DOK6: variants seen among roughly 807,000 people sequenced by gnomAD.
DOK6 encodes the protein docking protein 6.
A neutral mutation model predicts 44.0 loss-of-function variants in DOK6; 22 were observed. The observed-to-expected ratio is 0.50, with a 90% confidence interval of 0.36 to 0.71. The LOEUF (loss-of-function observed/expected upper bound fraction) is 0.71, where lower values mean the gene tolerates loss of function less well. DOK6 is among the 30% of genes least tolerant of loss of function. The probability of loss-of-function intolerance (pLI) is 0.00; values close to 1 mark genes in which losing one functional copy is unlikely to be tolerated. For missense variants in DOK6, 340 were observed against 416.4 expected, an observed-to-expected ratio of 0.82 and a Z score of 1.60; for synonymous variants, 166 against 145.5, an observed-to-expected ratio of 1.14 and a Z score of -1.01.
Position 69,506,941 on chromosome 18 carries a change from T to A in DOK6, c.67-57546T>A, listed in dbSNP as rs190911598. Among the ~76,000 whole-genome samples the A allele has an allele frequency of 3.0e-4, 46 of 152,170 alleles. 1 individual carries two copies. The highest frequency in any genetic ancestry group is 2.5e-3 in the Admixed American group (38 of 15,284). On this transcript the variant is annotated intron_variant, in intron 1 of 7. Transcript: ENST00000382713. ...CATATGTATATTTAAATATATATAT[T>A]TTTGGATTATATTGTATTTCATTGA...
rs116471284 is a variant in DOK6, at chr18:69,707,981, G to A, written c.599+9388G>A. The stretch of plus-strand genomic sequence containing the variant: ...GAGGGGTCAGGTTACTCTCCACGAC[G>A]CACAGCACAGGCAGAGCACGGATGG... On this transcript the variant is annotated intron_variant, in intron 5 of 7. Coordinates refer to ENST00000382713, the MANE Select transcript of DOK6 (RefSeq NM_152721.6). Among the ~76,000 whole-genome samples, 951 of 152,252 alleles carry A rather than the reference G, an allele frequency of 6.2e-3. 11 individuals carry two copies. Among genetic ancestry groups the A allele is most frequent in the African/African-American group, 0.022 (923 of 41,544 alleles).
intron 3 of DOK6, among the ~76,000 whole-genome samples, chr18:69,601,269 C>T (rs760876872): frequency 2.8e-4 from 43 of 152,312 alleles, no homozygotes; most frequent in Non-Finnish European, 4.9e-4. Flanking sequence ...GAAAGCAAAG[C>T]TCTGATTTAC....
At chr18:69,666,885 C>T (rs1985673085) in intron 3 of DOK6, among the ~76,000 whole-genome samples, 1 of 152,184 alleles carries the variant, frequency 6.6e-6, no homozygotes, top group Non-Finnish European at 1.5e-5. Flanking sequence ...GGGAGCTTTC[C>T]TCTGCAGCAA....
intron 1 of DOK6, among the ~76,000 whole-genome samples, chr18:69,540,287 C>G (rs1180347335): frequency 6.6e-6 from 1 of 152,142 alleles, no homozygotes; most frequent in Non-Finnish European, 1.5e-5. Context: ...TCTTTGCTTT[C>G]CTATTCTGAT....
chr18:69,792,859 A>C (rs1442759965), intron 7 of DOK6, among the ~76,000 whole-genome samples: 1 of 152,134 alleles, frequency 6.6e-6, no homozygotes, highest in Non-Finnish European at 1.5e-5. Context: ...GTCCTTCAGG[A>C]GATAATAAAA....
intron 7 of DOK6, among the ~76,000 whole-genome samples, chr18:69,784,596 C>G (rs956830084): frequency 6.6e-6 from 1 of 151,698 alleles, no homozygotes; most frequent in African/African-American, 2.4e-5. Context: ...AATGGCTATC[C>G]GTCATCACTT....
intron 7 of DOK6, among the ~76,000 whole-genome samples, chr18:69,782,313 G>A (rs940794876): frequency 3.3e-5 from 5 of 149,858 alleles, no homozygotes; most frequent in Middle Eastern, 3.4e-3. Flanking sequence ...CCAGGTTCAC[G>A]CCATTCTCCT....
intron 1 of DOK6, among the ~76,000 whole-genome samples, chr18:69,439,850 C>T (rs561023751): frequency 5.0e-4 from 76 of 152,302 alleles, no homozygotes; most frequent in African/African-American, 1.8e-3. Flanking sequence ...TGTAGTAGCA[C>T]TTTTCATTTC....
chr18:69,801,418 T>C (rs1204145557), intron 7 of DOK6, among the ~76,000 whole-genome samples: 1 of 152,230 alleles, frequency 6.6e-6, no homozygotes, highest in Non-Finnish European at 1.5e-5. Flanking sequence ...TTTTAAATGA[T>C]AATTTCAAGG....
intron 1 of DOK6, among the ~76,000 whole-genome samples, chr18:69,455,170 A>AG (rs1321407866): frequency 7.4e-6 from 1 of 135,948 alleles, no homozygotes; most frequent in East Asian, 2.3e-4. Context: ...AAAAAAAAAA[A>AG]AAAAGAAAAG....
chr18:69,765,047 C>T (rs559835519), intron 7 of DOK6, among the ~76,000 whole-genome samples: 1 of 152,124 alleles, frequency 6.6e-6, no homozygotes, highest in Non-Finnish European at 1.5e-5. Context: ...TTAGAGATAA[C>T]CTTCAGAAAA....
Position 69,842,716 on chromosome 18 carries a change from G to C in DOK6, c.*1333G>C, listed in dbSNP as rs939805908. Reference sequence around the variant, plus strand: ...GGAGGTAGTGAATTCCACGGAAACTGAGTTTGGCTAATTCAGGTCAACAAA... The same window carrying C: ...GGAGGTAGTGAATTCCACGGAAACTCAGTTTGGCTAATTCAGGTCAACAAA... On this transcript the variant is annotated 3_prime_UTR_variant, in exon 8 of 8. Coordinates refer to ENST00000382713, the MANE Select transcript of DOK6 (RefSeq NM_152721.6). 3 of 152,198 alleles carry C rather than the reference G, an allele frequency of 2.0e-5. No homozygotes were observed. Among genetic ancestry groups the C allele is most frequent in the African/African-American group, 7.2e-5 (3 of 41,448 alleles). 9.4% of individuals were successfully genotyped at this position (152,198 alleles called of 1,614,324 possible).
At chr18:69,489,986 T>C (rs1599155832) in intron 1 of DOK6, among the ~76,000 whole-genome samples, 1 of 152,240 alleles carries the variant, frequency 6.6e-6, no homozygotes, top group South Asian at 2.1e-4. Flanking sequence ...TTCTGCCGTA[T>C]TCACTGCAAC....
intron 6 of DOK6, among the ~76,000 whole-genome samples, chr18:69,741,109 G>T (rs1978785371): frequency 6.6e-6 from 1 of 152,130 alleles, no homozygotes; most frequent in South Asian, 2.1e-4. Context: ...ACAGGCGTGG[G>T]TGCCAATATC....
At chr18:69,811,524 T>TTATATA (rs57486782) in intron 7 of DOK6, among the ~76,000 whole-genome samples, 37 of 93,684 alleles carry the variant, frequency 3.9e-4, no homozygotes, top group Non-Finnish European at 4.7e-4. Flanking sequence ...AACCATTCCA[T>TTATATA]TATATATATA....
chr18:69,505,690 G>T (rs566722320), intron 1 of DOK6, among the ~76,000 whole-genome samples: 1 of 151,314 alleles, frequency 6.6e-6, no homozygotes, highest in Non-Finnish European at 1.5e-5. Flanking sequence ...TAGACATAGG[G>T]TTTCACCATG....
At chr18:69,464,700 C>T (rs559323178) in intron 1 of DOK6, among the ~76,000 whole-genome samples, 12 of 152,146 alleles carry the variant, frequency 7.9e-5, no homozygotes, top group Non-Finnish European at 1.6e-4. Context: ...CTGCAATTTG[C>T]GCTAATTGTG....
intron 1 of DOK6, among the ~76,000 whole-genome samples, chr18:69,509,437 A>G (rs1352863051): frequency 2.0e-5 from 3 of 152,042 alleles, no homozygotes; most frequent in Admixed American, 6.5e-5. Context: ...GGAGATCGAG[A>G]CCATCCTGGC....
At chr18:69,733,556 T>C (rs1978490483) in intron 5 of DOK6, among the ~76,000 whole-genome samples, 1 of 152,212 alleles carries the variant, frequency 6.6e-6, no homozygotes, top group South Asian at 2.1e-4. Context: ...CCACCCACTT[T>C]ACATTTTTAA....
Sources: gnomAD v4.1 joint callset for allele counts (sites outside exome capture counted in the v4.1 genomes callset) on GRCh38, gnomAD v4.1.1 for gene constraint, MANE v1.5 for transcripts, NCBI Gene and HGNC (gene_info 2026-07-23, HGNC 2026-07-21) for gene names.